PLCE1: variants seen among roughly 807,000 people sequenced by gnomAD.
The protein encoded by PLCE1 is 1-phosphatidylinositol 4,5-bisphosphate phosphodiesterase epsilon-1.
PLCE1 carries 119 observed loss-of-function variants against 242.8 expected under a neutral mutation model. The ratio of observed to expected loss-of-function variants is 0.49; its 90% CI spans 0.42 to 0.57. PLCE1 has a LOEUF of 0.57. Ranked by LOEUF, PLCE1 falls within the 20% of genes least tolerant of loss-of-function variation. The pLI is 0.00. For synonymous variants in PLCE1, 945 were observed against 1,017.4 expected (o/e 0.93, Z 1.35); for missense variants, 2,441 against 2,788.8 (o/e 0.88, Z 2.81).
At chr10:94,085,420 T>G (rs1362282099) in intron 2 of PLCE1, among the ~76,000 whole-genome samples, 1 of 152,154 alleles carries the variant, frequency 6.6e-6, no homozygotes, top group Non-Finnish European at 1.5e-5. Context: ...TACTCTGAAC[T>G]CCGGTACTGA....
At chr10:94,195,616 A>G (rs2136675071) in intron 4 of PLCE1, among the ~76,000 whole-genome samples, 1 of 152,280 alleles carries the variant, frequency 6.6e-6, no homozygotes, top group African/African-American at 2.4e-5. Flanking sequence ...CATGACATTC[A>G]TGTAACTCCC....
At chr10:94,240,097 C>T (rs1016079265) in intron 7 of PLCE1, among the ~76,000 whole-genome samples, 2 of 152,186 alleles carry the variant, frequency 1.3e-5, no homozygotes, top group African/African-American at 4.8e-5. Context: ...CCACTATCTG[C>T]ACAACATTCA....
chr10:94,197,338 G>T (rs531643455), intron 4 of PLCE1, among the ~76,000 whole-genome samples: 44 of 152,250 alleles, frequency 2.9e-4, no homozygotes, highest in African/African-American at 1.1e-3. Context: ...TATTTATCTT[G>T]AGTATGTACC....
At chr10:94,036,052 T>A (rs1465426974) in intron 2 of PLCE1, among the ~76,000 whole-genome samples, 1 of 152,232 alleles carries the variant, frequency 6.6e-6, no homozygotes, top group Non-Finnish European at 1.5e-5. Flanking sequence ...TCAGTCGACC[T>A]GAATTTAAAT....
chr10:94,061,071 G>C (rs529577136), intron 2 of PLCE1, among the ~76,000 whole-genome samples: 2 of 152,092 alleles, frequency 1.3e-5, no homozygotes, highest in Non-Finnish European at 2.9e-5. Flanking sequence ...GTACTGTACT[G>C]CCTCCCAGGG....
chr10:94,055,739 A>C (rs2043886972), intron 2 of PLCE1, among the ~76,000 whole-genome samples: 1 of 152,204 alleles, frequency 6.6e-6, no homozygotes, highest in Non-Finnish European at 1.5e-5. Flanking sequence ...TAAAGTATTG[A>C]TGGTAATGAT....
intron 4 of PLCE1, among the ~76,000 whole-genome samples, chr10:94,223,495 A>T (rs1403737908): frequency 6.6e-6 from 1 of 152,212 alleles, no homozygotes; most frequent in Non-Finnish European, 1.5e-5. Context: ...TCCTTCCAAA[A>T]TGAGCATGTG....
chr10:94,100,292 T>C (rs1215955458), intron 2 of PLCE1: 3 of 152,150 alleles, frequency 2.0e-5, no homozygotes, highest in Admixed American at 2.0e-4. Flanking sequence ...CCTGCTTCTA[T>C]TGGGGTTGCA....
At chr10:94,097,784 G>A (rs559539465) in intron 2 of PLCE1, among the ~76,000 whole-genome samples, 2 of 152,306 alleles carry the variant, frequency 1.3e-5, no homozygotes, top group Non-Finnish European at 2.9e-5. Context: ...TGCTGCCATC[G>A]TCCAAGTATG....
rs952933826 is a variant in PLCE1, at chr10:94,328,074, A to G, written c.*131A>G. 21 of 476,784 alleles carry G rather than the reference A, an allele frequency of 4.4e-5. No individual in the cohort carries two copies. Among genetic ancestry groups the G allele is most frequent in the Non-Finnish European group, 7.8e-5 (18 of 230,532 alleles). The allele number at this position is 476,784 out of a possible 1,614,324, so 29.5% of individuals were successfully genotyped here. A position where few individuals can be genotyped will look rare whatever the true frequency, so the allele number is the denominator to read the frequency against. On this transcript the variant is annotated 3_prime_UTR_variant, in exon 33 of 33. Coordinates refer to ENST00000371380, the MANE Select transcript of PLCE1 (RefSeq NM_016341.4). ...TGATGATTTCTGAACTGAAGCCTTC[A>G]CACATGTGAGATCCATGCTGAGGAG...
Position 94,234,284 on chromosome 10 carries a change from G to T in PLCE1, c.2186G>T (p.Arg729Leu), listed in dbSNP as rs767839016. 1.2e-6 allele frequency: 2 copies of T among 1,613,964 alleles called. No individual in the cohort carries two copies. The highest frequency in any genetic ancestry group is 1.7e-6 in the Non-Finnish European group (2 of 1,179,996). The change falls in exon 6 of 33, where the codon CGG (arginine) becomes CTG (leucine). Residue 729 changes from arginine (R) to leucine (L), a missense_variant. Arg to Leu is a moderately radical substitution (Grantham distance 102). Coordinates refer to ENST00000371380, the MANE Select transcript of PLCE1 (RefSeq NM_016341.4). The part of the protein sequence containing the change: ...GASGLMKLCP[R>L]YNSQEETLEF... ...TCCGGTCTCATGAAGCTTTGCCCGCGGTACAATTCCCAAGAAGAAACTTTA... is the reference window on the plus strand; with the variant it reads ...TCCGGTCTCATGAAGCTTTGCCCGCTGTACAATTCCCAAGAAGAAACTTTA...
intron 7 of PLCE1, among the ~76,000 whole-genome samples, chr10:94,236,775 C>CTA (rs1253057520): frequency 1.3e-5 from 2 of 152,092 alleles, no homozygotes; most frequent in African/African-American, 4.8e-5. Context: ...TAGTGGCAAT[C>CTA]TATATATAGA....
intron 2 of PLCE1, among the ~76,000 whole-genome samples, chr10:94,090,546 G>A (rs575764240): frequency 2.6e-3 from 400 of 152,266 alleles, no homozygotes; most frequent in Non-Finnish European, 4.8e-3. Flanking sequence ...TGGAAGGTGC[G>A]GGGTGTCTTG....
Position 94,031,809 on chromosome 10 carries a change from C to A in PLCE1, c.763C>A (p.His255Asn). The A allele has an allele frequency of 1.2e-6, 2 of 1,613,790 alleles. No individual in the cohort carries two copies. Among genetic ancestry groups the A allele is most frequent in the South Asian group, 2.2e-5 (2 of 91,062 alleles). Residue 255 changes from histidine (H) to asparagine (N), a missense_variant, in exon 2 of 33, where the codon CAT (histidine) becomes AAT (asparagine). By Grantham distance (68) the His-to-Asn change is moderately conservative (BLOSUM62 1). Coordinates refer to ENST00000371380, the MANE Select transcript of PLCE1 (RefSeq NM_016341.4). ...DNKNEQLQCD[H>N]CDTLNDKYFC... ...TAAGAATGAGCAGCTGCAGTGTGAT[C>A]ATTGTGACACCTTGAATGATAAATA...
In PLCE1 at chr10:94,051,286, C is replaced by CAAAAAAAAAAAAA. The variant is rs869233995; in HGVS notation, c.1206+19048_1206+19060dup. Among the ~76,000 whole-genome samples the CAAAAAAAAAAAAA allele has an allele frequency of 6.8e-4, 20 of 29,364 alleles. 3 individuals are homozygous for CAAAAAAAAAAAAA. The highest frequency in any genetic ancestry group is 4.3e-3 in the East Asian group (4 of 926). 19.3% of individuals were successfully genotyped at this position (29,364 alleles called of 152,430 possible). On this transcript the variant is annotated intron_variant, in intron 2 of 32. Coordinates refer to ENST00000371380, the MANE Select transcript of PLCE1 (RefSeq NM_016341.4). ...TGGGTGATAGAGCGAGACTCCAACT[C>CAAAAAAAAAAAAA]AAAAAAAAAAAAAAAAAAAAAAAAA...
At position 94,322,025 on chromosome 10, in the gene PLCE1, C is replaced by T. The variant is rs1589543032; in HGVS notation, c.6467C>T (p.Pro2156Leu). 1 of 1,614,036 alleles carries T rather than the reference C, an allele frequency of 6.2e-7. No homozygotes were observed. The change falls in exon 30 of 33, where the codon CCC becomes CTC. Residue 2156 changes from proline to leucine, a missense_variant. Physicochemically the swap from Pro to Leu is moderately conservative, Grantham distance 98. This residue lies in a region of PLCE1 where 310 missense variants were observed against 317.2 expected (regional missense o/e 0.98). Transcript: ENST00000371380. ...CAACCTCGAACAGTCATCAAAGCAC[C>T]CCGCGTCAGCACTGCACAGGATGTC... ...PEQPRTVIKA[P>L]RVSTAQDVIQ...
intron 7 of PLCE1, among the ~76,000 whole-genome samples, chr10:94,244,054 G>A (rs559175683): frequency 3.9e-5 from 6 of 152,268 alleles, no homozygotes; most frequent in African/African-American, 1.4e-4. Flanking sequence ...ATGGGGCTCT[G>A]AAATGGATTT....
intron 4 of PLCE1, among the ~76,000 whole-genome samples, chr10:94,172,353 T>TA (rs1364410891): frequency 6.6e-6 from 1 of 152,220 alleles, no homozygotes; most frequent in African/African-American, 2.4e-5. Flanking sequence ...TAATTTCTTT[T>TA]GTTTTGTGTA....
At chr10:94,002,087 T>C (rs1225288330) in intron 1 of PLCE1, among the ~76,000 whole-genome samples, 5 of 151,872 alleles carry the variant, frequency 3.3e-5, no homozygotes, top group African/African-American at 7.3e-5. Flanking sequence ...GTGGTAGGGA[T>C]TGGTAAATCT....
Sources: allele counts gnomAD v4.1 joint callset (sites outside exome capture counted in the v4.1 genomes callset), GRCh38; gene constraint gnomAD v4.1.1; regional missense constraint gnomAD v4.1.1; transcripts MANE v1.5; gene names NCBI Gene and HGNC (gene_info 2026-07-23, HGNC 2026-07-21).